Variants in RPS6KC1 observed in about 807,000 individuals in gnomAD.
The protein encoded by RPS6KC1 is inactive ribosomal protein S6 kinase delta-1.
A neutral mutation model predicts 103.8 loss-of-function variants in RPS6KC1; 54 were observed. The observed-to-expected ratio is 0.52, with a 90% CI of 0.42 to 0.65. The LOEUF is 0.65. Among genes scored for constraint, RPS6KC1 ranks in the 30% least tolerant of loss-of-function variants. The pLI, the probability that RPS6KC1 is intolerant of heterozygous loss-of-function variation, is 0.00. For synonymous variants in RPS6KC1, 439 were observed against 438.7 expected (o/e 1.00, Z -0.01); for missense variants, 1,151 against 1,253.8 (o/e 0.92, Z 1.24).
In RPS6KC1 at chr1:213,126,217, A is replaced by G. The variant is rs192652620; in HGVS notation, c.473-3310A>G. Among the ~76,000 whole-genome samples, 8 of 152,226 alleles carry G rather than the reference A, an allele frequency of 5.3e-5. No individual in the cohort carries two copies. In the East Asian group the frequency reaches 1.5e-3, roughly 29 times the overall value. On this transcript the variant is annotated intron_variant, in intron 5 of 14. Coordinates refer to ENST00000366960, the MANE Select transcript of RPS6KC1 (RefSeq NM_012424.6). ...TAAAATGACAAGAAAAATCTCATAA[A>G]ATTTATATATATTTCTTAGGATAGT...
At chr1:213,428,555 TCTCG>T in the RPS6KC1 span, among the ~76,000 whole-genome samples, 1 of 128,238 alleles carries the variant, frequency 7.8e-6, no homozygotes. Context: ...TTTCTTTCTC[TCTCG>T]CTCGCTCTTT....
the RPS6KC1 span, among the ~76,000 whole-genome samples, chr1:213,739,904 C>T: frequency 6.6e-6 from 1 of 151,938 alleles, no homozygotes; most frequent in East Asian, 1.9e-4. Flanking sequence ...AATTAAAACA[C>T]GGAAAAGGAA....
the RPS6KC1 span, among the ~76,000 whole-genome samples, chr1:213,434,446 C>A: frequency 6.6e-6 from 1 of 151,732 alleles, no homozygotes; most frequent in African/African-American, 2.4e-5. Context: ...ATCTTTGTTT[C>A]TCTTTCTTTC....
intron 8 of RPS6KC1, among the ~76,000 whole-genome samples, chr1:213,214,446 C>T (rs902091606): frequency 3.3e-5 from 5 of 152,190 alleles, no homozygotes; most frequent in South Asian, 2.1e-4. Context: ...CTCCACCTCT[C>T]GGGGCAGGGC....
chr1:213,776,092 C>T, the RPS6KC1 span, among the ~76,000 whole-genome samples: 1 of 152,192 alleles, frequency 6.6e-6, no homozygotes, highest in Non-Finnish European at 1.5e-5. Context: ...GAAGTTACTT[C>T]CTCCACTAAT....
At chr1:213,477,475 G>A in the RPS6KC1 span, among the ~76,000 whole-genome samples, 1 of 151,402 alleles carries the variant, frequency 6.6e-6, no homozygotes, top group African/African-American at 2.4e-5. Context: ...ATTTCTCTGA[G>A]GTTTTAGAAG....
At chr1:213,327,266 A>AAGAAAGAAAGAAAGAT in the RPS6KC1 span, among the ~76,000 whole-genome samples, 1 of 151,630 alleles carries the variant, frequency 6.6e-6, no homozygotes, top group Non-Finnish European at 1.5e-5. Context: ...GAAAGAAAGA[A>AAGAAAGAAAGAAAGAT]GCTCTATTTT....
chr1:213,731,259 A>C, the RPS6KC1 span, among the ~76,000 whole-genome samples: 3 of 152,184 alleles, frequency 2.0e-5, no homozygotes, highest in Non-Finnish European at 4.4e-5. Flanking sequence ...TGAATTTTAA[A>C]ATAGCTTTTT....
chr1:213,160,522 A>G (rs992013803), intron 6 of RPS6KC1, among the ~76,000 whole-genome samples: 2 of 152,186 alleles, frequency 1.3e-5, no homozygotes, highest in Admixed American at 6.5e-5. Context: ...TTTCCCTGAC[A>G]TGCATTTTAT....
the RPS6KC1 span, chr1:213,836,075 A>G: frequency 6.6e-6 from 1 of 152,110 alleles, no homozygotes; most frequent in Non-Finnish European, 1.5e-5. Context: ...AGGAGTCCAA[A>G]CAGAAAAAAG....
the RPS6KC1 span, among the ~76,000 whole-genome samples, chr1:213,640,823 A>G: frequency 6.6e-6 from 1 of 151,850 alleles, no homozygotes; most frequent in African/African-American, 2.4e-5. Context: ...TCTCTTGGTG[A>G]ATTGTTCATG....
At chr1:213,577,399 C>T in the RPS6KC1 span, among the ~76,000 whole-genome samples, 1 of 152,166 alleles carries the variant, frequency 6.6e-6, no homozygotes, top group Non-Finnish European at 1.5e-5. Context: ...AGGACTAATA[C>T]AGTAAATTGG....
At chr1:213,209,377 A>G (rs2093438511) in intron 8 of RPS6KC1, among the ~76,000 whole-genome samples, 1 of 152,140 alleles carries the variant, frequency 6.6e-6, no homozygotes, top group Non-Finnish European at 1.5e-5. Context: ...GAGTCCACAG[A>G]TTAAAGTGAA....
At chr1:213,239,932 T>C (rs2094312894) in intron 10 of RPS6KC1, among the ~76,000 whole-genome samples, 1 of 152,202 alleles carries the variant, frequency 6.6e-6, no homozygotes, top group Non-Finnish European at 1.5e-5. Flanking sequence ...AAGAAAACTA[T>C]GGTGAAATAA....
At chr1:213,489,697 A>G in the RPS6KC1 span, among the ~76,000 whole-genome samples, 2 of 152,198 alleles carry the variant, frequency 1.3e-5, no homozygotes, top group Admixed American at 1.3e-4. Context: ...AAACAACTTC[A>G]CAGACTAGGT....
chr1:213,247,011 A>G (rs1249295122), intron 12 of RPS6KC1, among the ~76,000 whole-genome samples: 2 of 152,204 alleles, frequency 1.3e-5, no homozygotes, highest in Admixed American at 1.3e-4. Context: ...CTAGTCTTGA[A>G]CAAGTTGATA....
the RPS6KC1 span, among the ~76,000 whole-genome samples, chr1:213,644,535 A>AC: frequency 7.0e-6 from 1 of 143,134 alleles, no homozygotes; most frequent in African/African-American, 2.6e-5. Flanking sequence ...CATCCCTCCC[A>AC]CCCCCCATAC....
At chr1:213,181,697 T>G (rs576131470) in intron 8 of RPS6KC1, among the ~76,000 whole-genome samples, 1 of 152,304 alleles carries the variant, frequency 6.6e-6, no homozygotes, top group African/African-American at 2.4e-5. Context: ...TTTTAAGTGC[T>G]AAAAGGAAAG....
the RPS6KC1 span, among the ~76,000 whole-genome samples, chr1:213,678,195 A>G: frequency 6.6e-6 from 1 of 152,214 alleles, no homozygotes; most frequent in Non-Finnish European, 1.5e-5. Context: ...ACAAAAGGAC[A>G]CTGGCCCTTG....
Sources: allele counts gnomAD v4.1 joint callset (sites outside exome capture counted in the v4.1 genomes callset), GRCh38; gene constraint gnomAD v4.1.1; transcripts MANE v1.5; gene names NCBI Gene and HGNC (gene_info 2026-07-23, HGNC 2026-07-21).